ELOVL6: variants seen among roughly 807,000 people sequenced by gnomAD.
ELOVL6 encodes the protein ELOVL fatty acid elongase 6.
A neutral mutation model predicts 31.7 loss-of-function variants in ELOVL6; 8 were observed. The observed-to-expected ratio is 0.25, with a 90% CI of 0.15 to 0.45. The LOEUF is 0.45. Among genes scored for constraint, ELOVL6 ranks in the 20% least tolerant of loss-of-function variants. ELOVL6 has a pLI of 1.00. For missense variants in ELOVL6, 126 were observed against 326.4 expected (o/e 0.39, Z 4.73); for synonymous variants, 101 against 117.7 (o/e 0.86, Z 0.92).
chr4:110,086,027 A>C lies in ELOVL6; in HGVS notation c.221+19470T>G, dbSNP rs183744737. Among the ~76,000 whole-genome samples the C allele has an allele frequency of 3.4e-3, 517 of 152,318 alleles. 2 individuals carry two copies. Among genetic ancestry groups the C allele is most frequent in the African/African-American group, 0.012 (500 of 41,572 alleles). ...AAACCAGAAATGGAGATTTTTAACA[A>C]ACATTCCAGATGTCTTGATGCAAAT... On this transcript the variant is annotated intron_variant, in intron 2 of 3. Transcript: ENST00000302274.
chr4:110,119,583 G>A (rs1336024711), intron 1 of ELOVL6, among the ~76,000 whole-genome samples: 1 of 152,140 alleles, frequency 6.6e-6, no homozygotes, highest in Non-Finnish European at 1.5e-5. Context: ...AGTGTCCGGA[G>A]CTGGTTTAGG....
intron 2 of ELOVL6, among the ~76,000 whole-genome samples, chr4:110,084,138 A>ATATATATAACATATATGTGATAATGT (rs1756051696): frequency 1.9e-5 from 1 of 51,288 alleles, no homozygotes; most frequent in Non-Finnish European, 3.5e-5. Flanking sequence ...TGTGATAATG[A>ATATATATAACATATATGTGATAATGT]TATATATGAT....
intron 2 of ELOVL6, among the ~76,000 whole-genome samples, chr4:110,080,817 T>C (rs1005593932): frequency 2.6e-5 from 4 of 152,076 alleles, no homozygotes; most frequent in African/African-American, 9.7e-5. Context: ...TGTTTGCAGA[T>C]GACATGATTG....
intron 1 of ELOVL6, among the ~76,000 whole-genome samples, chr4:110,116,910 C>A (rs1336605651): frequency 6.6e-6 from 1 of 152,148 alleles, no homozygotes; most frequent in Non-Finnish European, 1.5e-5. Context: ...TCACTTCCTT[C>A]CTTTCTGTTT....
At chr4:110,159,955 T>C (rs1366232784) in intron 1 of ELOVL6, among the ~76,000 whole-genome samples, 1 of 152,236 alleles carries the variant, frequency 6.6e-6, no homozygotes, top group Non-Finnish European at 1.5e-5. Flanking sequence ...GAACTTTCTA[T>C]TCATGTCGTT....
intron 2 of ELOVL6, among the ~76,000 whole-genome samples, chr4:110,083,175 A>C (rs1019117194): frequency 5.3e-5 from 8 of 151,786 alleles, no homozygotes; most frequent in Non-Finnish European, 8.8e-5. Flanking sequence ...CCCATATTCT[A>C]GTGAGGGAGA....
intron 1 of ELOVL6, among the ~76,000 whole-genome samples, chr4:110,154,506 T>C (rs10002910): frequency 0.83 from 126,879 of 152,142 alleles, 53,121 homozygotes; most frequent in East Asian, 0.92. Context: ...CCTCCTGCCT[T>C]GGCCTCCCAA....
intron 1 of ELOVL6, among the ~76,000 whole-genome samples, chr4:110,115,502 G>A (rs368691954): frequency 3.9e-5 from 6 of 152,150 alleles, no homozygotes; most frequent in East Asian, 3.9e-4. Flanking sequence ...CCAGCATTTC[G>A]GGAGGCCAAG....
Position 110,048,137 on chromosome 4 carries a change from C to A in ELOVL6, c.*3201G>T, listed in dbSNP as rs971959262. On this transcript the variant is annotated 3_prime_UTR_variant, in exon 4 of 4. Transcript: ENST00000302274. Reference sequence around the variant, plus strand: ...ACATGTAAAGTATTCCCTCTTCTCCCCTTACTTTTGTAGTGGAGCATAATT... The same window carrying A: ...ACATGTAAAGTATTCCCTCTTCTCCACTTACTTTTGTAGTGGAGCATAATT... The A allele has an allele frequency of 2.0e-5, 3 of 152,136 alleles. No individual in the cohort carries two copies. The highest frequency in any genetic ancestry group is 7.2e-5 in the African/African-American group (3 of 41,422). 9.4% of individuals were successfully genotyped at this position (152,136 alleles called of 1,614,324 possible).
intron 3 of ELOVL6, among the ~76,000 whole-genome samples, chr4:110,058,089 T>C (rs1248902790): frequency 6.6e-6 from 1 of 152,222 alleles, no homozygotes; most frequent in Non-Finnish European, 1.5e-5. Context: ...ACTTCATACC[T>C]AGTGGTACCA....
intron 1 of ELOVL6, among the ~76,000 whole-genome samples, chr4:110,126,526 A>G (rs1284356791): frequency 1.3e-5 from 2 of 152,182 alleles, no homozygotes; most frequent in African/African-American, 4.8e-5. Context: ...CAAACTTCTA[A>G]TACACTCTCT....
At chr4:110,072,868 C>T (rs1229391210) in intron 2 of ELOVL6, among the ~76,000 whole-genome samples, 1 of 152,134 alleles carries the variant, frequency 6.6e-6, no homozygotes, top group African/African-American at 2.4e-5. Context: ...ACTTCAAAGC[C>T]CTAATCAAAG....
intron 1 of ELOVL6, among the ~76,000 whole-genome samples, chr4:110,135,803 C>T (rs1311881639): frequency 1.3e-5 from 2 of 152,154 alleles, no homozygotes; most frequent in African/African-American, 4.8e-5. Flanking sequence ...CAGAGAAGAT[C>T]CTTCAAGATG....
chr4:110,063,167 A>G (rs922552880), intron 2 of ELOVL6, among the ~76,000 whole-genome samples: 1 of 152,252 alleles, frequency 6.6e-6, no homozygotes, highest in Non-Finnish European at 1.5e-5. Flanking sequence ...AAACTGATTT[A>G]CAGCTAGTTC....
intron 1 of ELOVL6, among the ~76,000 whole-genome samples, chr4:110,121,603 G>A (rs1015789100): frequency 2.9e-4 from 44 of 152,140 alleles, no homozygotes; most frequent in Admixed American, 2.8e-3. Context: ...GGAGGCTGAG[G>A]CAGGAGAATG....
At chr4:110,132,259 G>C (rs1024269588) in intron 1 of ELOVL6, among the ~76,000 whole-genome samples, 1 of 151,956 alleles carries the variant, frequency 6.6e-6, no homozygotes, top group Non-Finnish European at 1.5e-5. Context: ...AGATGGGAGG[G>C]GTATGAGTAA....
intron 1 of ELOVL6, among the ~76,000 whole-genome samples, chr4:110,139,531 C>G (rs758851379): frequency 1.3e-5 from 2 of 152,080 alleles, no homozygotes; most frequent in Non-Finnish European, 2.9e-5. Flanking sequence ...TCTGCTAGAC[C>G]TGGACTTTTT....
At chr4:110,160,893 T>C (rs139101609) in intron 1 of ELOVL6, among the ~76,000 whole-genome samples, 76 of 152,318 alleles carry the variant, frequency 5.0e-4, no homozygotes, top group African/African-American at 1.8e-3. Context: ...TGGTTTTAAT[T>C]GTTGCTTTTC....
At chr4:110,105,433 C>A in intron 2 of ELOVL6, 64 bp downstream of exon 2, 1 of 1,448,954 alleles carries the variant, frequency 6.9e-7, no homozygotes, top group African/African-American at 1.4e-5. Context: ...AATGCTCAAT[C>A]ATTGCATTCT....
Sources: allele counts gnomAD v4.1 joint callset (sites outside exome capture counted in the v4.1 genomes callset), GRCh38; gene constraint gnomAD v4.1.1; transcripts MANE v1.5; gene names NCBI Gene and HGNC (gene_info 2026-07-23, HGNC 2026-07-21).